The following PPP1R12B variants were observed in gnomAD, a reference collection of about 807,000 sequenced individuals.
PPP1R12B encodes protein phosphatase 1 regulatory subunit 12B.
Under a neutral mutation model 126.1 loss-of-function variants are expected in PPP1R12B, and 76 were observed. The ratio of observed to expected loss-of-function variants is 0.60; its 90% CI spans 0.50 to 0.73. The LOEUF (loss-of-function observed/expected upper bound fraction) is 0.73, where lower values mean the gene tolerates loss of function less well. Ranked by LOEUF, PPP1R12B falls within the 30% of genes least tolerant of loss-of-function variation. PPP1R12B has a pLI of 0.00. For missense variants in PPP1R12B, 1,052 were observed against 1,205.1 expected (o/e 0.87, Z 1.88); for synonymous variants, 356 against 434.7 (o/e 0.82, Z 2.25).
intron 1 of PPP1R12B, among the ~76,000 whole-genome samples, chr1:202,416,325 G>C (rs1668052465): frequency 6.6e-6 from 1 of 151,980 alleles, no homozygotes; most frequent in African/African-American, 2.4e-5. Context: ...TCGGGAGTTC[G>C]AGACAAGCCT....
chr1:202,348,798 C>A lies in PPP1R12B; in HGVS notation c.-54C>A. Reference sequence around the variant, plus strand: ...GAGAGGCGGCAGCGGCAACTCGAGCCCCAACAGTAATTTAGTGTTGGTAGT... The same window carrying A: ...GAGAGGCGGCAGCGGCAACTCGAGCACCAACAGTAATTTAGTGTTGGTAGT... On this transcript the variant is annotated 5_prime_UTR_variant, in exon 1 of 24. Transcript: ENST00000608999. The A allele has an allele frequency of 6.5e-7, 1 of 1,550,110 alleles. No homozygotes were observed. Among genetic ancestry groups the A allele is most frequent in the Non-Finnish European group, 8.7e-7 (1 of 1,152,210 alleles).
intron 23 of PPP1R12B, among the ~76,000 whole-genome samples, chr1:202,578,056 T>C (rs528907284): frequency 6.6e-6 from 1 of 152,362 alleles, no homozygotes; most frequent in East Asian, 1.9e-4. Flanking sequence ...GATTGAACTT[T>C]GTGGGGCTTC....
At chr1:202,527,103 A>G (rs1186629950) in intron 18 of PPP1R12B, among the ~76,000 whole-genome samples, 2 of 149,736 alleles carry the variant, frequency 1.3e-5, no homozygotes, top group Non-Finnish European at 2.9e-5. Context: ...AATGAACAGA[A>G]AACAGAATAG....
intron 13 of PPP1R12B, among the ~76,000 whole-genome samples, chr1:202,464,344 G>A (rs529110961): frequency 6.6e-6 from 1 of 152,258 alleles, no homozygotes; most frequent in African/African-American, 2.4e-5. Flanking sequence ...AAGCCCATGT[G>A]TAGTGATCTT....
Position 202,377,407 on chromosome 1 carries a change from A to G in PPP1R12B, c.291+28265A>G, listed in dbSNP as rs566978741. Among the ~76,000 whole-genome samples the G allele has an allele frequency of 1.6e-3, 241 of 150,066 alleles. 1 individual carries two copies. Among genetic ancestry groups the G allele is most frequent in the Non-Finnish European group, 1.2e-3 (78 of 67,676 alleles). ...AAGCTCCGCCTCCCGGGTTCATGCC[A>G]TTCTCCTGCCTCAGCCTCCCTAGCA... On this transcript the variant is annotated intron_variant, in intron 1 of 23. Transcript: ENST00000608999.
rs557403209 is a variant in PPP1R12B, at chr1:202,493,944, C to A, written c.2145+627C>A. The stretch of plus-strand genomic sequence containing the variant: ...GGGAGGGACGTTTTGATTTATGTTT[C>A]ATTTCTCTAGTGGAGTTGGTAGTAA... On this transcript the variant is annotated intron_variant, in intron 15 of 23. Coordinates refer to ENST00000608999, the MANE Select transcript of PPP1R12B (RefSeq NM_002481.4). Among the ~76,000 whole-genome samples the A allele has an allele frequency of 2.0e-5, 3 of 152,292 alleles. No individual in the cohort carries two copies. In the East Asian group the frequency reaches 5.8e-4, roughly 29 times the overall value.
At chr1:202,403,162 G>A (rs1666099598) in intron 1 of PPP1R12B, among the ~76,000 whole-genome samples, 2 of 152,156 alleles carry the variant, frequency 1.3e-5, no homozygotes, top group Admixed American at 6.5e-5. Context: ...GAGAGATGGG[G>A]CCTGGGGCAC....
intron 13 of PPP1R12B, among the ~76,000 whole-genome samples, chr1:202,475,672 C>G (rs1251916364): frequency 2.6e-5 from 4 of 152,148 alleles, no homozygotes; most frequent in Non-Finnish European, 5.9e-5. Flanking sequence ...TTTATTGACT[C>G]ATCCGTAAAA....
intron 1 of PPP1R12B, among the ~76,000 whole-genome samples, chr1:202,358,070 TA>T (rs1290280869): frequency 6.6e-6 from 1 of 152,116 alleles, no homozygotes; most frequent in Non-Finnish European, 1.5e-5. Flanking sequence ...GATGGTGAAA[TA>T]TGGAGGTTTG....
intron 8 of PPP1R12B, among the ~76,000 whole-genome samples, chr1:202,433,070 G>A (rs567849628): frequency 6.0e-4 from 92 of 152,340 alleles, no homozygotes; most frequent in African/African-American, 2.0e-3. Context: ...TACAGTATAG[G>A]AGATGACCTT....
At chr1:202,550,888 A>G (rs1686240115) in intron 18 of PPP1R12B, among the ~76,000 whole-genome samples, 1 of 152,258 alleles carries the variant, frequency 6.6e-6, no homozygotes, top group Non-Finnish European at 1.5e-5. Flanking sequence ...GTATATCCAT[A>G]TATTTCCTTC....
intron 14 of PPP1R12B, among the ~76,000 whole-genome samples, chr1:202,491,242 G>A (rs542626240): frequency 1.3e-5 from 2 of 152,080 alleles, no homozygotes; most frequent in Non-Finnish European, 2.9e-5. Context: ...TCCTGCCTCA[G>A]GGTTCAAGCA....
chr1:202,453,635 G>C (rs1284484875), intron 13 of PPP1R12B, among the ~76,000 whole-genome samples: 1 of 151,592 alleles, frequency 6.6e-6, no homozygotes, highest in Non-Finnish European at 1.5e-5. Context: ...CAAGATGCAA[G>C]ATACAATACA....
intron 23 of PPP1R12B, chr1:202,574,939 T>A: frequency 6.9e-7 from 1 of 1,444,430 alleles, no homozygotes; most frequent in Non-Finnish European, 9.5e-7. Flanking sequence ...TTTTCTCTCC[T>A]CTGGTCTGTC....
chr1:202,491,508 G>C (rs1678884903), intron 14 of PPP1R12B, among the ~76,000 whole-genome samples: 1 of 151,962 alleles, frequency 6.6e-6, no homozygotes, highest in South Asian at 2.1e-4. Context: ...CTATACTTTA[G>C]CTCATCTTTT....
At chr1:202,510,425 T>A (rs1466487932) in intron 18 of PPP1R12B, among the ~76,000 whole-genome samples, 1 of 152,192 alleles carries the variant, frequency 6.6e-6, no homozygotes, top group African/African-American at 2.4e-5. Flanking sequence ...ATTGTAAAGG[T>A]CTTCCAAAGT....
intron 1 of PPP1R12B, among the ~76,000 whole-genome samples, chr1:202,397,982 G>T (rs1380716118): frequency 6.6e-6 from 1 of 152,180 alleles, no homozygotes; most frequent in Non-Finnish European, 1.5e-5. Context: ...TGCAATCTCA[G>T]CTCACTGCAA....
At chr1:202,574,128 G>C (rs1688872696) in intron 23 of PPP1R12B, among the ~76,000 whole-genome samples, 1 of 147,764 alleles carries the variant, frequency 6.8e-6, no homozygotes, top group Admixed American at 6.8e-5. Flanking sequence ...TCTTATTTTG[G>C]TATGTGTAAC....
At chr1:202,553,599 G>A (rs983116926) in intron 18 of PPP1R12B, among the ~76,000 whole-genome samples, 2 of 152,212 alleles carry the variant, frequency 1.3e-5, no homozygotes, top group African/African-American at 2.4e-5. Context: ...TTTTTGAGAA[G>A]AGAGAGGGAG....
Sources: allele counts gnomAD v4.1 joint callset (sites outside exome capture counted in the v4.1 genomes callset), GRCh38; gene constraint gnomAD v4.1.1; transcripts MANE v1.5; gene names NCBI Gene and HGNC (gene_info 2026-07-23, HGNC 2026-07-21).